STYK1: variants seen among roughly 807,000 people sequenced by gnomAD.
STYK1 encodes the protein STY kinase 1.
STYK1 carries 46 observed loss-of-function variants against 48.1 expected under a neutral mutation model. That is an observed-to-expected ratio of 0.96 (90% CI 0.75 to 1.22). The LOEUF (loss-of-function observed/expected upper bound fraction) is 1.22, where lower values mean the gene tolerates loss of function less well. STYK1 is among the 50% of genes most tolerant of loss of function. The probability of loss-of-function intolerance (pLI) is 0.00; values close to 1 mark genes in which losing one functional copy is unlikely to be tolerated. For synonymous variants in STYK1, 188 were observed against 189.0 expected (o/e 0.99, Z 0.04); for missense variants, 527 against 521.1 (o/e 1.01, Z -0.11).
At chr12:10,664,680 T>C (rs1947816099) in intron 1 of STYK1, among the ~76,000 whole-genome samples, 1 of 152,252 alleles carries the variant, frequency 6.6e-6, no homozygotes, top group Non-Finnish European at 1.5e-5. Context: ...AGCCTGTCTC[T>C]ATTTCCTAGT....
intron 1 of STYK1, among the ~76,000 whole-genome samples, chr12:10,641,086 C>T (rs539209891): frequency 1.3e-5 from 2 of 152,292 alleles, no homozygotes; most frequent in East Asian, 3.9e-4. Flanking sequence ...CTGCTGATTA[C>T]GTTCTCTTCC....
intron 1 of STYK1, among the ~76,000 whole-genome samples, chr12:10,654,591 T>C (rs1467941483): frequency 2.0e-5 from 3 of 152,012 alleles, no homozygotes; most frequent in African/African-American, 7.2e-5. Context: ...AAGGATCAGA[T>C]TGGGTTAGAG....
chr12:10,661,092 A>G (rs12315191), intron 1 of STYK1, among the ~76,000 whole-genome samples: 7,452 of 152,086 alleles, frequency 0.049, 506 homozygotes, highest in African/African-American at 0.15. Flanking sequence ...TAACAGTCTG[A>G]CCTTTACTTT....
At chr12:10,633,910 C>G in intron 4 of STYK1, 80 bp downstream of exon 4, 1 of 1,532,696 alleles carries the variant, frequency 6.5e-7, no homozygotes, top group South Asian at 1.3e-5. Flanking sequence ...TAGACATGGG[C>G]TCATTGAAAC....
intron 1 of STYK1, among the ~76,000 whole-genome samples, chr12:10,638,449 G>A (rs984220412): frequency 7.2e-5 from 11 of 152,186 alleles, no homozygotes; most frequent in Admixed American, 3.9e-4. Context: ...TAAAGTCCAT[G>A]CTAAATCTTT....
intron 6 of STYK1, among the ~76,000 whole-genome samples, 181 bp downstream of exon 6, chr12:10,629,312 T>G (rs1392813750): frequency 6.6e-6 from 1 of 152,260 alleles, no homozygotes; most frequent in Non-Finnish European, 1.5e-5. Context: ...TCATACTGGA[T>G]GGAGCAGTTA....
rs971309410 is a variant in STYK1, at chr12:10,624,877, A to G, written c.718-18T>C. The G allele has an allele frequency of 1.2e-6, 2 of 1,611,072 alleles. No homozygotes were observed. Among genetic ancestry groups the G allele is most frequent in the African/African-American group, 2.7e-5 (2 of 74,864 alleles). On this transcript the variant is annotated intron_variant, in intron 7 of 10. Coordinates refer to ENST00000075503, the MANE Select transcript of STYK1 (RefSeq NM_018423.3). The stretch of plus-strand genomic sequence containing the variant: ...AGGAATTCCTGTCAAGATAAAATCA[A>G]ATATGATCAGCTGTCTGAGATCACA...
chr12:10,666,876 T>C (rs1446442844), intron 1 of STYK1, among the ~76,000 whole-genome samples: 1 of 152,202 alleles, frequency 6.6e-6, no homozygotes, highest in Admixed American at 6.5e-5. Flanking sequence ...CCTCTTTTCC[T>C]TATAAATTAC....
In STYK1 at chr12:10,672,891, GGAGAT is replaced by G; in HGVS notation, c.-195+1070_-195+1074del. Among the ~76,000 whole-genome samples the G allele has an allele frequency of 6.6e-6, 1 of 152,306 alleles. No individual in the cohort carries two copies. Among genetic ancestry groups the G allele is most frequent in the Admixed American group, 6.5e-5 (1 of 15,302 alleles). ...AGCTGCCCCCTAGCTAGCTGTCAGT[GGAGAT>G]TCCGGTGCATTGAGGGGGAAAAACC... On this transcript the variant is annotated intron_variant, in intron 1 of 10. Transcript: ENST00000075503. This position sits in a 1 kb window ranked among gnomAD's most constrained non-coding sequence, Gnocchi z 4.0.
chr12:10,671,682 T>C (rs1197377169), intron 1 of STYK1, among the ~76,000 whole-genome samples: 2 of 152,214 alleles, frequency 1.3e-5, no homozygotes, highest in South Asian at 2.1e-4. Context: ...GCCACCACCA[T>C]TGTGGTAATT....
At chr12:10,673,823 C>G (rs1325488174) in intron 1 of STYK1, 143 bp downstream of exon 1, 1 of 152,300 alleles carries the variant, frequency 6.6e-6, no homozygotes, top group Non-Finnish European at 1.5e-5. Context: ...TGTTTGTTCA[C>G]ATAAACACCC....
Position 10,634,654 on chromosome 12 carries a change from A to G in STYK1, c.-36T>C, listed in dbSNP as rs1391111458. The G allele has an allele frequency of 6.2e-7, 1 of 1,613,808 alleles. No homozygotes were observed. The highest frequency in any genetic ancestry group is 1.6e-4 in the Middle Eastern group (1 of 6,062). ...CTGTCCCCTTCCCTGCTAGGCCCAC[A>G]GAGAATGCACACAGCACAGCTGTGA... is the stretch of plus-strand genomic sequence containing the variant. On this transcript the variant is annotated 5_prime_UTR_variant, in exon 3 of 11. Coordinates refer to ENST00000075503, the MANE Select transcript of STYK1 (RefSeq NM_018423.3).
At chr12:10,635,545 G>T (rs1947477126) in intron 2 of STYK1, among the ~76,000 whole-genome samples, 1 of 152,160 alleles carries the variant, frequency 6.6e-6, no homozygotes, top group South Asian at 2.1e-4. Flanking sequence ...GGAAGTATCA[G>T]TACCAAGCCA....
chr12:10,670,718 G>T (rs940740459), intron 1 of STYK1, among the ~76,000 whole-genome samples: 2 of 151,418 alleles, frequency 1.3e-5, no homozygotes, highest in African/African-American at 4.8e-5. Context: ...AAATTGCTAA[G>T]ACAGTAGATG....
At chr12:10,626,851 A>C (rs1226381766) in intron 7 of STYK1, among the ~76,000 whole-genome samples, 1 of 151,926 alleles carries the variant, frequency 6.6e-6, no homozygotes, top group African/African-American at 2.4e-5. Context: ...CTAAAAATAC[A>C]AAAAAATTAG....
At chr12:10,634,953 T>A (rs986147559) in intron 2 of STYK1, among the ~76,000 whole-genome samples, 1 of 152,194 alleles carries the variant, frequency 6.6e-6, no homozygotes, top group Non-Finnish European at 1.5e-5. Flanking sequence ...TTACTGAAAT[T>A]ATTTTAAAGT....
intron 4 of STYK1, 32 bp downstream of exon 4, chr12:10,633,958 G>C (rs746562628): frequency 6.2e-7 from 1 of 1,607,488 alleles, no homozygotes; most frequent in Non-Finnish European, 8.5e-7. Context: ...TCTTCTTTAA[G>C]CCCCTGCCCA....
Position 10,655,899 on chromosome 12 carries a change from G to GT in STYK1, c.-195+18066dup, listed in dbSNP as rs566775167. Among the ~76,000 whole-genome samples the GT allele has an allele frequency of 8.3e-4, 126 of 152,244 alleles. 2 individuals carry two copies. In the East Asian group the frequency reaches 0.019, roughly 23 times the overall value. On this transcript the variant is annotated intron_variant, in intron 1 of 10. Coordinates refer to ENST00000075503, the MANE Select transcript of STYK1 (RefSeq NM_018423.3). Reference sequence around the variant, plus strand: ...TATGAGCTATACGTATATTTAAAAGGTTTTTATGTTTTTTCTCTTCTTGGA... The same window carrying GT: ...TATGAGCTATACGTATATTTAAAAGGTTTTTTATGTTTTTTCTCTTCTTGGA...
chr12:10,640,950 A>G (rs1173431884), intron 1 of STYK1, among the ~76,000 whole-genome samples: 1 of 152,260 alleles, frequency 6.6e-6, no homozygotes, highest in Non-Finnish European at 1.5e-5. Context: ...GGTATTATAC[A>G]AATTCAAAAC....
Sources: gnomAD v4.1 joint callset for allele counts (sites outside exome capture counted in the v4.1 genomes callset) on GRCh38, gnomAD v4.1.1 for gene constraint, Gnocchi (gnomAD v3.1) non-coding constraint, MANE v1.5 for transcripts, NCBI Gene and HGNC (gene_info 2026-07-23, HGNC 2026-07-21) for gene names.